Variants in HBP1 observed in about 807,000 individuals in gnomAD.
The protein encoded by HBP1 is HMG-box transcription factor 1.
HBP1 carries 20 observed loss-of-function variants against 62.6 expected under a neutral mutation model. The observed-to-expected ratio is 0.32, with a 90% confidence interval of 0.22 to 0.46. The LOEUF (loss-of-function observed/expected upper bound fraction) is 0.46, where lower values mean the gene tolerates loss of function less well. HBP1 is among the 20% of genes least tolerant of loss of function. HBP1 has a pLI of 1.00. For missense variants in HBP1, 480 were observed against 611.8 expected (o/e 0.78, Z 2.27); for synonymous variants, 232 against 206.2 (o/e 1.12, Z -1.07).
chr7:107,187,794 C>G (rs529687778), intron 6 of HBP1, among the ~76,000 whole-genome samples: 13 of 152,334 alleles, frequency 8.5e-5, no homozygotes, highest in Admixed American at 8.5e-4. Context: ...GGGTTAGTTC[C>G]TGACATTGTC....
At position 107,190,180 on chromosome 7, in the gene HBP1, A is replaced by C. The variant is rs1584495387; in HGVS notation, c.930A>C (p.Ser310=). ...HPFYVKNKGW[S]SFYPSLTVVQ... is the part of the protein sequence containing the mutation. ...AACATTGTTTAACTTTAGGTTGGTC[A>C]TCATTTTATCCAAGCTTGACTGTGG... Residue 310 remains serine (S), a synonymous_variant, in exon 8 of 11, where the codon TCA becomes TCC. Coordinates refer to ENST00000222574, the MANE Select transcript of HBP1 (RefSeq NM_012257.4). 6.2e-7 allele frequency: 1 copy of C among 1,607,052 alleles called. No homozygotes were observed.
At chr7:107,170,506 G>A (rs1381351738) in intron 1 of HBP1, among the ~76,000 whole-genome samples, 1 of 151,890 alleles carries the variant, frequency 6.6e-6, no homozygotes, top group Non-Finnish European at 1.5e-5. Context: ...GTTAAACTCA[G>A]TTCTTGCAAG....
chr7:107,170,121 T>C (rs547345937), intron 1 of HBP1: 2 of 922,604 alleles, frequency 2.2e-6, no homozygotes, highest in East Asian at 1.2e-4. Flanking sequence ...GAAGGAGCAC[T>C]GACAGCGAGG....
Position 107,189,395 on chromosome 7 carries a change from G to A in HBP1, c.869G>A (p.Gly290Asp), listed in dbSNP as rs932193248. The change falls in exon 7 of 11, where the codon GGT (glycine) becomes GAT (aspartate). Residue 290 changes from glycine to aspartate, a missense_variant. By Grantham distance (94) the Gly-to-Asp change is moderately conservative. Around this residue, in one of 4 missense-constraint regions of HBP1, gnomAD observed 58 missense variants for 128.5 expected, o/e 0.45. Coordinates refer to ENST00000222574, the MANE Select transcript of HBP1 (RefSeq NM_012257.4). The part of the protein sequence containing the change: ...LTFDPGTVED[G>D]LLTVECKLDH... The stretch of plus-strand genomic sequence containing the variant: ...TTTGATCCTGGTACAGTAGAAGATG[G>A]TTTACTTACCGTAGAGTGTAAGCTG... 1 of 1,612,624 alleles carries A rather than the reference G, an allele frequency of 6.2e-7. No homozygotes were observed.
chr7:107,189,586 G>T, intron 7 of HBP1, 138 bp downstream of exon 7: 1 of 627,784 alleles, frequency 1.6e-6, no homozygotes, highest in South Asian at 2.1e-5. Flanking sequence ...CTACCATAGG[G>T]AATGCTTATA....
chr7:107,177,113 G>A (rs1004580688), intron 1 of HBP1, among the ~76,000 whole-genome samples: 1 of 152,056 alleles, frequency 6.6e-6, no homozygotes, highest in African/African-American at 2.4e-5. Context: ...CCCTATGTCT[G>A]GGGATAAAAA....
At chr7:107,187,199 G>T (rs1248654456) in intron 6 of HBP1, among the ~76,000 whole-genome samples, 1 of 152,136 alleles carries the variant, frequency 6.6e-6, no homozygotes, top group Non-Finnish European at 1.5e-5. Context: ...CTTGCAGTGA[G>T]CCAAGATTGC....
intron 6 of HBP1, among the ~76,000 whole-genome samples, chr7:107,187,477 T>C (rs1306719371): frequency 6.6e-6 from 1 of 152,186 alleles, no homozygotes; most frequent in East Asian, 1.9e-4. Flanking sequence ...CCTTTCACTT[T>C]GAAATTTTTA....
At chr7:107,189,170 A>T in intron 6 of HBP1, 122 bp from the exon 7 acceptor site, 1 of 733,300 alleles carries the variant, frequency 1.4e-6, no homozygotes, top group Non-Finnish European at 2.2e-6. Context: ...AAAGCTCTTT[A>T]ATGGCAGGGA....
intron 1 of HBP1, chr7:107,173,703 G>C (rs1796711018): frequency 6.6e-6 from 1 of 152,148 alleles, no homozygotes; most frequent in Non-Finnish European, 1.5e-5. Context: ...CTGGAAGTTT[G>C]CATACCAAAA....
chr7:107,184,508 C>CT (rs1224409347), intron 3 of HBP1, among the ~76,000 whole-genome samples: 3 of 152,060 alleles, frequency 2.0e-5, no homozygotes, highest in South Asian at 4.2e-4. Context: ...TCCTTTCTCT[C>CT]TTTTTTGTTT....
chr7:107,187,749 G>T (rs568067708), intron 6 of HBP1, among the ~76,000 whole-genome samples: 1 of 152,152 alleles, frequency 6.6e-6, no homozygotes, highest in Admixed American at 6.5e-5. Flanking sequence ...GACGTCGTTT[G>T]TTCTGTTTGA....
Position 107,186,439 on chromosome 7 carries a change from T to C in HBP1, c.619T>C (p.Trp207Arg). ...DDDDLGWCNS[W>R]PSTVWHCFLK... ...TGATGATTTGGGATGGTGCAATTCCTGGCCTTCAACTGTCTGGCACTGTTT... is the reference window on the plus strand; with the variant it reads ...TGATGATTTGGGATGGTGCAATTCCCGGCCTTCAACTGTCTGGCACTGTTT... The change falls in exon 5 of 11, where the codon TGG (tryptophan) becomes CGG (arginine). Residue 207 changes from tryptophan (W) to arginine (R), a missense_variant. Around this residue, in one of 4 missense-constraint regions of HBP1, gnomAD observed 304 missense variants for 330.9 expected, o/e 0.92. Coordinates refer to ENST00000222574, the MANE Select transcript of HBP1 (RefSeq NM_012257.4). The C allele has an allele frequency of 1.2e-6, 2 of 1,612,972 alleles. No individual in the cohort carries two copies. The highest frequency in any genetic ancestry group is 1.7e-6 in the Non-Finnish European group (2 of 1,179,066).
chr7:107,195,495 G>A lies in HBP1; in HGVS notation c.1068-339G>A, dbSNP rs530335276. Among the ~76,000 whole-genome samples the A allele has an allele frequency of 2.0e-5, 3 of 152,120 alleles. No homozygotes were observed. In the East Asian group the frequency reaches 5.8e-4, roughly 29 times the overall value. ...ACATTTGTCCAGAAATGAATTTAAAGTAAGAATAAGTGGGTTGTGTAGGAT... is the reference window on the plus strand; with the variant it reads ...ACATTTGTCCAGAAATGAATTTAAAATAAGAATAAGTGGGTTGTGTAGGAT... On this transcript the variant is annotated intron_variant, in intron 8 of 10. Coordinates refer to ENST00000222574, the MANE Select transcript of HBP1 (RefSeq NM_012257.4).
intron 6 of HBP1, among the ~76,000 whole-genome samples, chr7:107,188,277 C>A (rs2115916459): frequency 6.6e-6 from 1 of 152,316 alleles, no homozygotes; most frequent in African/African-American, 2.4e-5. Context: ...ACTGCCCTTA[C>A]CTTTTTCTTC....
intron 8 of HBP1, among the ~76,000 whole-genome samples, chr7:107,195,548 G>C (rs1459232802): frequency 6.6e-6 from 1 of 152,156 alleles, no homozygotes; most frequent in Non-Finnish European, 1.5e-5. Context: ...TATGAATAAA[G>C]TATGCTGATT....
intron 1 of HBP1, among the ~76,000 whole-genome samples, chr7:107,170,367 A>G (rs754749417): frequency 2.0e-5 from 3 of 152,180 alleles, no homozygotes; most frequent in Non-Finnish European, 4.4e-5. Flanking sequence ...AACATTGGAA[A>G]TACTTTTCTG....
chr7:107,171,825 A>G (rs920523392), intron 1 of HBP1, among the ~76,000 whole-genome samples: 1 of 144,476 alleles, frequency 6.9e-6, no homozygotes, highest in Non-Finnish European at 1.5e-5. Context: ...AGGCCACTGT[A>G]CTCCAGCCTG....
Position 107,201,411 on chromosome 7 carries a change from C to T in HBP1, c.1528-3C>T. Reference sequence around the variant, plus strand: ...TTCACTGAGTTTAATTTTATTTCCACAGGGCTCACAACAACATTAAACCAG... The same window carrying T: ...TTCACTGAGTTTAATTTTATTTCCATAGGGCTCACAACAACATTAAACCAG... On this transcript the variant is annotated splice_region_variant and splice_polypyrimidine_tract_variant and intron_variant, in intron 10 of 10. Transcript: ENST00000222574. 1 of 1,568,558 alleles carries T rather than the reference C, an allele frequency of 6.4e-7. No individual in the cohort carries two copies. The highest frequency in any genetic ancestry group is 8.8e-7 in the Non-Finnish European group (1 of 1,139,966).
Sources: gnomAD v4.1 joint callset for allele counts (sites outside exome capture counted in the v4.1 genomes callset) on GRCh38, gnomAD v4.1.1 for gene constraint, gnomAD v4.1.1 regional missense constraint, MANE v1.5 for transcripts, NCBI Gene and HGNC (gene_info 2026-07-23, HGNC 2026-07-21) for gene names.